The following CSNK1E variants were observed in gnomAD, a reference collection of about 807,000 sequenced individuals.
CSNK1E encodes the protein casein kinase 1 epsilon.
A neutral mutation model predicts 46.1 loss-of-function variants in CSNK1E; 17 were observed. The ratio of observed to expected loss-of-function variants is 0.37; its 90% CI spans 0.25 to 0.55. The LOEUF is 0.55. Ranked by LOEUF, CSNK1E falls within the 20% of genes least tolerant of loss-of-function variation. CSNK1E has a pLI of 0.82. For missense variants in CSNK1E, 386 were observed against 595.4 expected, an observed-to-expected ratio of 0.65 and a Z score of 3.66; for synonymous variants, 241 against 242.6, an observed-to-expected ratio of 0.99 and a Z score of 0.06.
chr22:38,303,343 C>T lies in CSNK1E; in HGVS notation c.77-95G>A, dbSNP rs914333853. On this transcript the variant is annotated intron_variant, in intron 2 of 10. Transcript: ENST00000396832. This position sits in a 1 kb window ranked among gnomAD's most constrained non-coding sequence, Gnocchi z 4.7. ...AGCATTTCTGAGATCTGGCGTGTGC[C>T]GGGCCCGGGGCCATCTGCCCTTGAG... 4 of 1,113,050 alleles carry T rather than the reference C, an allele frequency of 3.6e-6. No homozygotes were observed. The highest frequency in any genetic ancestry group is 2.4e-5 in the Admixed American group (1 of 42,378). The allele number at this position is 1,113,050 out of a possible 1,614,324, so 68.9% of individuals were successfully genotyped here. A position where few individuals can be genotyped will look rare whatever the true frequency, so the allele number is the denominator to read the frequency against.
At chr22:38,305,869 G>A (rs112796204) in intron 2 of CSNK1E, among the ~76,000 whole-genome samples, 3 of 152,020 alleles carry the variant, frequency 2.0e-5, no homozygotes, top group South Asian at 2.1e-4. Flanking sequence ...GGGATTTGAC[G>A]CTACTCAGCC....
chr22:38,310,382 G>T (rs1023165263), intron 2 of CSNK1E, among the ~76,000 whole-genome samples: 3 of 152,076 alleles, frequency 2.0e-5, no homozygotes, highest in African/African-American at 4.8e-5. Flanking sequence ...GCCTCACACG[G>T]GGGCCTACTT....
rs1188363456 is a variant in CSNK1E at position 38,291,360 on chromosome 22, A to ACACACG, written c.*610_*611insCGTGTG. On this transcript the variant is annotated 3_prime_UTR_variant, in exon 11 of 11. Coordinates refer to ENST00000396832, the MANE Select transcript of CSNK1E (RefSeq NM_152221.3). ...CATCCACACACACACACACACACAC[A>ACACACG]CACGCAGGGGACGCCGGCCCCCACC... 1 of 152,130 alleles carries ACACACG rather than the reference A, an allele frequency of 6.6e-6. No homozygotes were observed. The highest frequency in any genetic ancestry group is 2.4e-5 in the African/African-American group (1 of 41,144). 9.4% of individuals were successfully genotyped at this position (152,130 alleles called of 1,614,324 possible).
Position 38,303,237 on chromosome 22 carries a change from C to T in CSNK1E, c.88G>A (p.Ala30Thr), listed in dbSNP as rs1027024602. The change falls in exon 3 of 11, where the codon GCC (alanine) becomes ACC (threonine). Residue 30 changes from alanine (A) to threonine (T), a missense_variant. Around this residue, in one of 2 missense-constraint regions of CSNK1E, gnomAD observed 212 missense variants for 410.2 expected, o/e 0.52. Transcript: ENST00000396832. This position sits in a 1 kb window ranked among gnomAD's most constrained non-coding sequence, Gnocchi z 4.7. ...FGDIYLGANI[A>T]SGEEVAIKLE... ...TTGATGGCGACTTCCTCACCAGAGG[C>T]GATGTTGGCACCTGCCCGGGGCAGG... The T allele has an allele frequency of 6.2e-6, 10 of 1,604,730 alleles. No individual in the cohort carries two copies. Among genetic ancestry groups the T allele is most frequent in the Non-Finnish European group, 8.5e-6 (10 of 1,176,554 alleles).
At chr22:38,306,393 C>CGTTTTTAG (rs1001592791) in intron 2 of CSNK1E, among the ~76,000 whole-genome samples, 11 of 152,180 alleles carry the variant, frequency 7.2e-5, no homozygotes, top group Non-Finnish European at 1.5e-4. Context: ...TGCGACTCAC[C>CGTTTTTAG]GTTTTTAGTA....
At chr22:38,297,203 C>A (rs2092645565) in intron 7 of CSNK1E, 1 of 770,158 alleles carries the variant, frequency 1.3e-6, no homozygotes, top group Non-Finnish European at 2.4e-6. Flanking sequence ...GCTGGAGGGC[C>A]AAGCCCATCA....
chr22:38,314,552 C>T (rs1338868501), intron 1 of CSNK1E, among the ~76,000 whole-genome samples: 1 of 152,236 alleles, frequency 6.6e-6, no homozygotes, highest in African/African-American at 2.4e-5. Context: ...CCAGACCTCG[C>T]CAGTGCCCAG....
At chr22:38,308,092 C>T (rs2092706108) in intron 2 of CSNK1E, among the ~76,000 whole-genome samples, 1 of 152,188 alleles carries the variant, frequency 6.6e-6, no homozygotes, top group Non-Finnish European at 1.5e-5. Flanking sequence ...AATCTACATT[C>T]TGTCTCTATG....
chr22:38,304,577 CAGA>C (rs994177537), intron 2 of CSNK1E, among the ~76,000 whole-genome samples: 5 of 152,124 alleles, frequency 3.3e-5, no homozygotes, highest in South Asian at 2.1e-4. Flanking sequence ...TGCTCAGCAG[CAGA>C]AGAACAGGAA....
chr22:38,315,635 A>G (rs1330630452), intron 1 of CSNK1E, among the ~76,000 whole-genome samples: 1 of 125,958 alleles, frequency 7.9e-6, no homozygotes, highest in African/African-American at 2.9e-5. Context: ...GTTGGGGGGT[A>G]AGGGGGGGTG....
intron 2 of CSNK1E, among the ~76,000 whole-genome samples, chr22:38,305,875 C>T (rs1416921851): frequency 2.0e-5 from 3 of 152,176 alleles, no homozygotes; most frequent in African/African-American, 7.2e-5. Flanking sequence ...TGACGCTACT[C>T]AGCCCTGACC....
intron 1 of CSNK1E, chr22:38,316,759 G>C (rs2145857993): frequency 6.6e-6 from 1 of 152,274 alleles, no homozygotes; most frequent in South Asian, 2.1e-4. Flanking sequence ...GGGGGCGCCG[G>C]TGATTGTCCG....
chr22:38,302,817 G>T lies in CSNK1E; in HGVS notation c.336+44C>A, dbSNP rs140406893. 17 of 1,608,766 alleles carry T rather than the reference G, an allele frequency of 1.1e-5. 1 individual carries two copies. In the East Asian group the frequency reaches 3.8e-4, roughly 36 times the overall value. On this transcript the variant is annotated intron_variant, in intron 4 of 10. Transcript: ENST00000396832. ...GGCAGGAGGCAGGGCTGGTATCCTG[G>T]GCCCACAGGCATCTGGCTGGGGATG... is the stretch of plus-strand genomic sequence containing the variant.
At chr22:38,316,143 T>TA (rs2092744649) in intron 1 of CSNK1E, among the ~76,000 whole-genome samples, 1 of 151,944 alleles carries the variant, frequency 6.6e-6, no homozygotes, top group East Asian at 1.9e-4. Context: ...AAAGTGGATA[T>TA]AAAGGTTCAA....
At chr22:38,297,937 GCTC>G in intron 7 of CSNK1E, 3 of 1,115,716 alleles carry the variant, frequency 2.7e-6, no homozygotes, top group Non-Finnish European at 3.3e-6. Flanking sequence ...TGGGGGGACA[GCTC>G]CTCCACCTCC....
chr22:38,303,144 C>T lies in CSNK1E; in HGVS notation c.181G>A (p.Gly61Ser). 6.2e-7 allele frequency: 1 copy of T among 1,608,832 alleles called. No individual in the cohort carries two copies. The highest frequency in any genetic ancestry group is 8.5e-7 in the Non-Finnish European group (1 of 1,178,528). The change falls in exon 3 of 11, where the codon GGT becomes AGT. Residue 61 changes from glycine to serine, a missense_variant. By Grantham distance (56) the Gly-to-Ser change is moderately conservative. Around this residue, in one of 2 missense-constraint regions of CSNK1E, gnomAD observed 212 missense variants for 410.2 expected, o/e 0.52. Transcript: ENST00000396832. The surrounding 1 kb of genome is among the most constrained non-coding windows in gnomAD (Gnocchi z 4.7). ...CCGCCCACCCTGCGCTCACCGCCAC[C>T]CTGCATCATCTTGTAGAACTTGCTC... ...IESKFYKMMQ[G>S]GVGIPSIKWC...
In CSNK1E at chr22:38,300,998, A is replaced by G. The variant is rs749642148; in HGVS notation, c.337-46T>C. ...TTGTTCAACAGAGGGGCCCTTGCCT[A>G]GCACTCTGGGCCAGGCAGGGGCTGG... is the stretch of plus-strand genomic sequence containing the variant. On this transcript the variant is annotated intron_variant, in intron 4 of 10. Coordinates refer to ENST00000396832, the MANE Select transcript of CSNK1E (RefSeq NM_152221.3). The surrounding 1 kb of genome is among the most constrained non-coding windows in gnomAD (Gnocchi z 4.4). 3 of 1,536,702 alleles carry G rather than the reference A, an allele frequency of 2.0e-6. No homozygotes were observed. Among genetic ancestry groups the G allele is most frequent in the East Asian group, 4.5e-5 (2 of 44,518 alleles).
chr22:38,313,910 C>CA (rs2092732064), intron 2 of CSNK1E, among the ~76,000 whole-genome samples, 172 bp downstream of exon 2: 2 of 152,246 alleles, frequency 1.3e-5, no homozygotes, highest in Admixed American at 1.3e-4. Flanking sequence ...GAGGAGCCCC[C>CA]TGGCCTGCCT....
Position 38,295,106 on chromosome 22 carries a change from G to A in CSNK1E, c.886-572C>T, listed in dbSNP as rs1045249969. ...GCTGTCCTTCCCCCTGCCGGGACCT[G>A]GCAATGGCTTCTGGCAGGTGCAGTG... On this transcript the variant is annotated intron_variant, in intron 7 of 10. Coordinates refer to ENST00000396832, the MANE Select transcript of CSNK1E (RefSeq NM_152221.3). 3.3e-5 allele frequency among the ~76,000 whole-genome samples: 5 copies of A among 152,196 alleles called. No individual in the cohort carries two copies. In the East Asian group the frequency reaches 9.6e-4, roughly 29 times the overall value.
Sources: allele counts gnomAD v4.1 joint callset (sites outside exome capture counted in the v4.1 genomes callset), GRCh38; gene constraint gnomAD v4.1.1; regional missense constraint gnomAD v4.1.1; non-coding constraint Gnocchi (gnomAD v3.1); transcripts MANE v1.5; gene names NCBI Gene and HGNC (gene_info 2026-07-23, HGNC 2026-07-21).